SWAP70: variants seen among roughly 807,000 people sequenced by gnomAD.
SWAP70 encodes the protein switch-associated protein 70.
Under a neutral mutation model 80.2 loss-of-function variants are expected in SWAP70, and 34 were observed. The observed-to-expected ratio is 0.42, with a 90% CI of 0.32 to 0.56. SWAP70 has a LOEUF of 0.56. Ranked by LOEUF, SWAP70 falls within the 20% of genes least tolerant of loss-of-function variation. The pLI is 0.09. For synonymous variants in SWAP70, 239 were observed against 238.5 expected, an observed-to-expected ratio of 1.00 and a Z score of -0.02; for missense variants, 578 against 690.7, an observed-to-expected ratio of 0.84 and a Z score of 1.83.
chr11:9,671,935 A>T, intron 1 of SWAP70, among the ~76,000 whole-genome samples: 1 of 110,892 alleles, frequency 9.0e-6, no homozygotes, highest in East Asian at 2.7e-4. Context: ...ATTATATTTT[A>T]TAATATATTT....
intron 8 of SWAP70, 80 bp from the exon 9 acceptor site, chr11:9,740,101 G>T: frequency 1.5e-6 from 2 of 1,375,942 alleles, no homozygotes; most frequent in Non-Finnish European, 2.0e-6. Flanking sequence ...GCAGCTGTGG[G>T]CAACCCCTCA....
At position 9,664,212 on chromosome 11, in the gene SWAP70, C is replaced by T. The variant is rs772889077; in HGVS notation, c.33C>T (p.Ala11=). Residue 11 remains alanine (A), a synonymous_variant, in exon 1 of 12, where the codon GCC becomes GCT. Transcript: ENST00000318950. MGSLKEELLK[A]IWHAFTALDQ... is the part of the protein sequence containing the mutation. ...GCTTGAAGGAGGAGCTGCTCAAAGC[C>T]ATCTGGCACGCCTTCACCGCACTCG... 8.2e-6 allele frequency: 13 copies of T among 1,592,770 alleles called. No homozygotes were observed. Among genetic ancestry groups the T allele is most frequent in the East Asian group, 2.3e-5 (1 of 43,502 alleles).
intron 1 of SWAP70, among the ~76,000 whole-genome samples, chr11:9,686,767 A>G (rs1000874751): frequency 6.6e-6 from 1 of 152,162 alleles, no homozygotes; most frequent in African/African-American, 2.4e-5. Flanking sequence ...ATCATGCTTT[A>G]TTTAACCATT....
intron 1 of SWAP70, among the ~76,000 whole-genome samples, chr11:9,671,593 T>G (rs918857972): frequency 4.7e-4 from 16 of 33,900 alleles, no homozygotes; most frequent in Admixed American, 9.8e-4. Context: ...TTTCTATATA[T>G]AAATATATTT....
intron 1 of SWAP70, among the ~76,000 whole-genome samples, chr11:9,675,016 G>A (rs1850470541): frequency 6.6e-6 from 1 of 151,344 alleles, no homozygotes; most frequent in Non-Finnish European, 1.5e-5. Flanking sequence ...GCCACTCCTA[G>A]GCCAGGTGCA....
intron 1 of SWAP70, among the ~76,000 whole-genome samples, chr11:9,668,755 A>G (rs147891429): frequency 0.016 from 2,394 of 152,288 alleles, 26 homozygotes; most frequent in Middle Eastern, 0.02. Context: ...GTTAAAATGT[A>G]TTGCTTTGGA....
chr11:9,740,399 A>G lies in SWAP70; in HGVS notation c.1355+52A>G, dbSNP rs146320667. 7.8e-5 allele frequency: 123 copies of G among 1,582,492 alleles called. No homozygotes were observed. The African/African-American group carries it at 1.4e-3, about 18-fold the overall frequency. On this transcript the variant is annotated intron_variant, in intron 9 of 11. Transcript: ENST00000318950. ...CTTTATGTACTTTGCCTGGGCTAAT[A>G]CAGTTTCTTGGAATGACTAACACTC...
intron 9 of SWAP70, among the ~76,000 whole-genome samples, chr11:9,746,555 C>T (rs1231258504): frequency 6.6e-6 from 1 of 152,190 alleles, no homozygotes; most frequent in African/African-American, 2.4e-5. Context: ...CTGAGGAGAC[C>T]TCAGTGTCTC....
At chr11:9,727,350 C>T (rs1386214712) in intron 4 of SWAP70, among the ~76,000 whole-genome samples, 1 of 152,126 alleles carries the variant, frequency 6.6e-6, no homozygotes, top group African/African-American at 2.4e-5. Context: ...AGATTGCACC[C>T]ACTGCACTCC....
chr11:9,671,567 T>TAGAA, intron 1 of SWAP70, among the ~76,000 whole-genome samples: 1 of 69,692 alleles, frequency 1.4e-5, no homozygotes, highest in African/African-American at 5.0e-5. Flanking sequence ...TATAAATATA[T>TAGAA]TTATATAGAA....
chr11:9,695,923 T>C (rs1850751845), intron 2 of SWAP70, among the ~76,000 whole-genome samples: 2 of 152,006 alleles, frequency 1.3e-5, no homozygotes, highest in South Asian at 4.1e-4. Context: ...CAGATTCCCA[T>C]TATTGGGACT....
At chr11:9,746,418 C>A (rs538377971) in intron 9 of SWAP70, among the ~76,000 whole-genome samples, 1 of 152,342 alleles carries the variant, frequency 6.6e-6, no homozygotes, top group South Asian at 2.1e-4. Context: ...CTTATATCCC[C>A]AGTGCCTAGA....
chr11:9,697,147 TTTA>T (rs756768923), intron 2 of SWAP70, among the ~76,000 whole-genome samples: 4 of 152,032 alleles, frequency 2.6e-5, no homozygotes, highest in South Asian at 2.1e-4. Context: ...GCTTCAGATT[TTTA>T]TTATTATTTA....
chr11:9,730,941 G>A (rs1052567930), intron 6 of SWAP70, among the ~76,000 whole-genome samples: 9 of 152,062 alleles, frequency 5.9e-5, no homozygotes, highest in South Asian at 2.1e-4. Context: ...TCTACCTCCC[G>A]TCCCAGTAGT....
chr11:9,724,353 A>C (rs1851179386), intron 3 of SWAP70, among the ~76,000 whole-genome samples: 1 of 152,256 alleles, frequency 6.6e-6, no homozygotes, highest in South Asian at 2.1e-4. Context: ...GCGAGTAATC[A>C]GATCACATTA....
At chr11:9,709,632 T>C (rs1850969594) in intron 2 of SWAP70, among the ~76,000 whole-genome samples, 1 of 152,122 alleles carries the variant, frequency 6.6e-6, no homozygotes, top group African/African-American at 2.4e-5. Context: ...GGACCACAGA[T>C]GCATGCCACC....
chr11:9,729,600 G>A (rs1851270405), intron 6 of SWAP70, 149 bp downstream of exon 6: 4 of 649,630 alleles, frequency 6.2e-6, no homozygotes, highest in African/African-American at 3.7e-5. Context: ...CTGGGTTCAA[G>A]CAATTATCCT....
Position 9,724,719 on chromosome 11 carries a change from T to C in SWAP70, c.476T>C (p.Phe159Ser). 1.2e-6 allele frequency: 2 copies of C among 1,614,140 alleles called. No homozygotes were observed. Among genetic ancestry groups the C allele is most frequent in the Non-Finnish European group, 1.7e-6 (2 of 1,180,020 alleles). Reference sequence around the variant, plus strand: ...GGAGGAGGTTGGCAGCAAGAACAATTTGAACATTATAAAATCAACTTTGAT... The same window carrying C: ...GGAGGAGGTTGGCAGCAAGAACAATCTGAACATTATAAAATCAACTTTGAT... ...AMGGGWQQEQFEHYKINFDDS... is the reference protein window; with the variant it reads ...AMGGGWQQEQSEHYKINFDDS... The change falls in exon 4 of 12, where the codon TTT becomes TCT. Residue 159 changes from phenylalanine (F) to serine (S), a missense_variant. By Grantham distance (155) the Phe-to-Ser change is radical. Coordinates refer to ENST00000318950, the MANE Select transcript of SWAP70 (RefSeq NM_015055.4).
chr11:9,693,067 T>C (rs976264140), intron 1 of SWAP70, among the ~76,000 whole-genome samples: 3 of 152,198 alleles, frequency 2.0e-5, no homozygotes, highest in African/African-American at 7.2e-5. Flanking sequence ...GAAATATGTG[T>C]ATGCAGAAAA....
Sources: gnomAD v4.1 joint callset for allele counts (sites outside exome capture counted in the v4.1 genomes callset) on GRCh38, gnomAD v4.1.1 for gene constraint, MANE v1.5 for transcripts, NCBI Gene and HGNC (gene_info 2026-07-23, HGNC 2026-07-21) for gene names.